The following TG variants were observed in gnomAD, a reference collection of about 807,000 sequenced individuals.
TG encodes the protein thyroid hormones.
TG carries 270 observed loss-of-function variants against 324.7 expected under a neutral mutation model. The observed-to-expected ratio is 0.83, with a 90% CI of 0.75 to 0.92. The LOEUF is 0.92. TG is among the 40% of genes least tolerant of loss of function. TG has a pLI of 0.00. For missense variants in TG, 3,591 were observed against 3,456.4 expected (o/e 1.04, Z -0.98); for synonymous variants, 1,401 against 1,327.0 (o/e 1.06, Z -1.21).
chr8:132,967,133 CCATCCATCCATCCAT>C (rs1828697523), intron 30 of TG, among the ~76,000 whole-genome samples: 1 of 149,908 alleles, frequency 6.7e-6, no homozygotes, highest in Non-Finnish European at 1.5e-5. Context: ...ATCCATCCAT[CCATCCATCCATCCAT>C]CCATCCACCC....
At position 132,908,263 on chromosome 8, in the gene TG, G is replaced by C; in HGVS notation, c.3925G>C (p.Asp1309His). 2 of 1,613,978 alleles carry C rather than the reference G, an allele frequency of 1.2e-6. No individual in the cohort carries two copies. The highest frequency in any genetic ancestry group is 1.7e-6 in the Non-Finnish European group (2 of 1,179,978). The change falls in exon 18 of 48, where the codon GAC becomes CAC. Residue 1309 changes from aspartate to histidine, a missense_variant. Transcript: ENST00000220616. ...QLPPGKMCSADYADLLQTFQV... is the reference protein window; with the variant it reads ...QLPPGKMCSAHYADLLQTFQV... ...CCCGCCGGGCAAGATGTGCAGTGCT[G>C]ACTACGCGGATTTGCTGCAGACTTT...
At chr8:133,097,226 A>G (rs916851812) in intron 43 of TG, among the ~76,000 whole-genome samples, 2 of 152,268 alleles carry the variant, frequency 1.3e-5, no homozygotes, top group African/African-American at 2.4e-5. Context: ...GAAAGCAACC[A>G]AACAGGATCC....
At chr8:132,948,736 C>T (rs371648473) in intron 26 of TG, 40 bp from the exon 27 acceptor site, 22 of 1,608,946 alleles carry the variant, frequency 1.4e-5, no homozygotes, top group Non-Finnish European at 1.8e-5. Context: ...AAAGGTCCCC[C>T]TCCATCACAC....
In TG at chr8:132,913,134, C is replaced by T. The variant is rs373993261; in HGVS notation, c.4247C>T (p.Thr1416Met). ...TTCCAGCTTCATCTGGACTCCAAGA[C>T]GTTCCCAGCGGAAACCATCCGCTTC... ...GSFQLHLDSKTFPAETIRFLQ... is the reference protein window; with the variant it reads ...GSFQLHLDSKMFPAETIRFLQ... The change falls in exon 20 of 48, where the codon ACG (threonine) becomes ATG (methionine). Residue 1416 changes from threonine to methionine, a missense_variant. By Grantham distance (81) the Thr-to-Met change is moderately conservative. Transcript: ENST00000220616. The T allele has an allele frequency of 2.8e-5, 45 of 1,614,088 alleles. No individual in the cohort carries two copies. The highest frequency in any genetic ancestry group is 4.5e-5 in the East Asian group (2 of 44,884).
intron 16 of TG, among the ~76,000 whole-genome samples, chr8:132,904,554 G>A (rs80018415): frequency 0.055 from 8,302 of 152,264 alleles, 302 homozygotes; most frequent in Non-Finnish European, 0.083. Context: ...TTGTTCCATA[G>A]CCAGGGAGTA....
intron 41 of TG, among the ~76,000 whole-genome samples, chr8:133,080,837 A>G (rs1007121890): frequency 6.6e-6 from 1 of 152,204 alleles, no homozygotes; most frequent in Non-Finnish European, 1.5e-5. Flanking sequence ...GGCATGGGGC[A>G]GGTCCCTTCA....
At chr8:132,967,998 C>G (rs1429928703) in intron 31 of TG, 28 bp downstream of exon 31, 2 of 1,610,878 alleles carry the variant, frequency 1.2e-6, no homozygotes, top group Non-Finnish European at 1.7e-6. Context: ...TCTGCATAAA[C>G]TGTATTTCCA....
Position 132,906,920 on chromosome 8 carries a change from C to G in TG, c.3847+20C>G, listed in dbSNP as rs376845203. On this transcript the variant is annotated intron_variant, in intron 17 of 47. Coordinates refer to ENST00000220616, the MANE Select transcript of TG (RefSeq NM_003235.5). ...GCCAACGTGAGTGGCATCAGAGCATCTATCCTGCACCCCGCTCCCTCTCAG... is the reference window on the plus strand; with the variant it reads ...GCCAACGTGAGTGGCATCAGAGCATGTATCCTGCACCCCGCTCCCTCTCAG... 309 of 1,598,328 alleles carry G rather than the reference C, an allele frequency of 1.9e-4. No individual in the cohort carries two copies. Among genetic ancestry groups the G allele is most frequent in the Non-Finnish European group, 2.6e-4 (303 of 1,172,352 alleles).
At chr8:132,894,281 TCAGGAACACCACACAG>T (rs1287572392) in intron 11 of TG, among the ~76,000 whole-genome samples, 2 of 152,258 alleles carry the variant, frequency 1.3e-5, no homozygotes, top group African/African-American at 4.8e-5. Flanking sequence ...TTCCAGGGAT[TCAGGAACACCACACAG>T]CAGGAGGGGA....
intron 33 of TG, 110 bp downstream of exon 33, chr8:132,971,983 A>C (rs1052362373): frequency 1.2e-5 from 10 of 833,108 alleles, no homozygotes; most frequent in Non-Finnish European, 2.1e-5. Flanking sequence ...CCTCGTTCAC[A>C]GATAAGGAAA....
intron 41 of TG, among the ~76,000 whole-genome samples, chr8:133,055,363 GCGCACACACACACACACACA>G (rs1362771026): frequency 1.6e-4 from 5 of 31,986 alleles, no homozygotes; most frequent in African/African-American, 8.2e-4. Flanking sequence ...ACACGCACGC[GCGCACACACACACACACACA>G]CACACACACA....
rs758531254 is a variant in TG, at chr8:132,897,670, G to A, written c.3023G>A (p.Arg1008His). 9 of 1,614,028 alleles carry A rather than the reference G, an allele frequency of 5.6e-6. No individual in the cohort carries two copies. Among genetic ancestry groups the A allele is most frequent in the Admixed American group, 5.0e-5 (3 of 60,000 alleles). Residue 1008 changes from arginine (R) to histidine (H), a missense_variant, in exon 12 of 48, where the codon CGC becomes CAC. Physicochemically the swap from Arg to His is conservative, Grantham distance 29 (BLOSUM62 0). Coordinates refer to ENST00000220616, the MANE Select transcript of TG (RefSeq NM_003235.5). ...CCAGCCTTAAGCTTCTATCAGAGAC[G>A]CCGCTTTTCCCCGGACGACTCGGCT... ...AQSTLSFYQR[R>H]RFSPDDSAGA... is the part of the protein sequence containing the mutation.
At chr8:132,977,503 A>T in intron 34 of TG, among the ~76,000 whole-genome samples, 1 of 152,146 alleles carries the variant, frequency 6.6e-6, no homozygotes, top group South Asian at 2.1e-4. Flanking sequence ...ACTGATAAAG[A>T]CTGGTTAATT....
At chr8:132,964,735 G>A in intron 29 of TG, 1 of 594,430 alleles carries the variant, frequency 1.7e-6, no homozygotes. Flanking sequence ...ACATTTTTGA[G>A]CACATGTGGC....
At position 133,131,914 on chromosome 8, in the gene TG, C is replaced by T. The variant is rs1275577108; in HGVS notation, c.7965C>T (p.Ile2655=). 7 of 1,614,048 alleles carry T rather than the reference C, an allele frequency of 4.3e-6. No individual in the cohort carries two copies. Among genetic ancestry groups the T allele is most frequent in the Middle Eastern group, 1.6e-4 (1 of 6,084 alleles). ...SLEEKSLSLK[I]MQYFSHFIRS... ...AGGAGAAGAGCCTGTCGCTGAAAAT[C>T]ATGCAGTACTTTTCCCACTTCATCA... Residue 2655 remains isoleucine (I), a synonymous_variant, in exon 46 of 48, where the codon ATC becomes ATT. Transcript: ENST00000220616.
chr8:132,995,172 G>A (rs34726287), intron 35 of TG: 34 of 963,862 alleles, frequency 3.5e-5, no homozygotes, highest in Non-Finnish European at 4.2e-5. Flanking sequence ...GAATAACCTA[G>A]GGAAAGTCAC....
At chr8:132,954,137 T>G (rs1209292762) in intron 27 of TG, among the ~76,000 whole-genome samples, 1 of 152,176 alleles carries the variant, frequency 6.6e-6, no homozygotes, top group Non-Finnish European at 1.5e-5. Flanking sequence ...ATTGTCATTA[T>G]CTTGGGGTGC....
intron 43 of TG, among the ~76,000 whole-genome samples, chr8:133,103,378 G>A (rs1849502316): frequency 6.6e-6 from 1 of 152,114 alleles, no homozygotes; most frequent in Non-Finnish European, 1.5e-5. Context: ...CCACCCTGGA[G>A]CTATAGCCCC....
rs766474626 is a variant in TG, at chr8:132,908,232, C to A, written c.3894C>A (p.Leu1298=). 6.2e-6 allele frequency: 10 copies of A among 1,614,012 alleles called. No individual in the cohort carries two copies. In the East Asian group the frequency reaches 6.7e-5, roughly 11 times the overall value. Residue 1298 remains leucine, a synonymous_variant, in exon 18 of 48, where the codon CTC becomes CTA. Transcript: ENST00000220616. ...QTIQTQGHFQ[L]QLPPGKMCSA... ...TCCAGACCCAAGGGCACTTTCAGCT[C>A]CAGCTCCCGCCGGGCAAGATGTGCA...
Sources: allele counts gnomAD v4.1 joint callset (sites outside exome capture counted in the v4.1 genomes callset), GRCh38; gene constraint gnomAD v4.1.1; transcripts MANE v1.5; gene names NCBI Gene and HGNC (gene_info 2026-07-23, HGNC 2026-07-21).